Variants in SHC4 observed in about 807,000 individuals in gnomAD.
The protein encoded by SHC4 is SHC adaptor protein 4.
SHC4 carries 41 observed loss-of-function variants against 69.4 expected under a neutral mutation model. That is an observed-to-expected ratio of 0.59 (90% CI 0.46 to 0.77). SHC4 has a LOEUF of 0.77. SHC4 is among the 30% of genes least tolerant of loss of function. SHC4 has a pLI of 0.00. For synonymous variants in SHC4, 318 were observed against 299.3 expected, an observed-to-expected ratio of 1.06 and a Z score of -0.64; for missense variants, 777 against 783.8, an observed-to-expected ratio of 0.99 and a Z score of 0.10.
chr15:48,829,205 T>C (rs1898749820), intron 11 of SHC4, among the ~76,000 whole-genome samples: 1 of 152,208 alleles, frequency 6.6e-6, no homozygotes, highest in African/African-American at 2.4e-5. Flanking sequence ...AGAATATGTA[T>C]TCTGTTGCTG....
chr15:48,946,384 C>T (rs994733702), intron 1 of SHC4, among the ~76,000 whole-genome samples: 3 of 152,156 alleles, frequency 2.0e-5, no homozygotes, highest in African/African-American at 7.2e-5. Flanking sequence ...TGGAGGCCTC[C>T]AGAATCAATA....
At chr15:48,849,220 CTT>C (rs1750944274) in intron 9 of SHC4, among the ~76,000 whole-genome samples, 2 of 152,090 alleles carry the variant, frequency 1.3e-5, no homozygotes, top group Non-Finnish European at 2.9e-5. Context: ...TTTTCTCTCT[CTT>C]CTTTCCCCTG....
At chr15:48,950,855 G>A (rs1901354590) in intron 1 of SHC4, among the ~76,000 whole-genome samples, 1 of 152,126 alleles carries the variant, frequency 6.6e-6, no homozygotes, top group Non-Finnish European at 1.5e-5. Flanking sequence ...GAGGGTAGGA[G>A]TAGGAAGACA....
rs537566897 is a variant in SHC4 at position 48,827,402 on chromosome 15, A to G, written c.1738-1276T>C. Among the ~76,000 whole-genome samples the G allele has an allele frequency of 1.8e-4, 27 of 152,330 alleles. No homozygotes were observed. In the Middle Eastern group the frequency reaches 0.01, roughly 58 times the overall value. On this transcript the variant is annotated intron_variant, in intron 11 of 11. Coordinates refer to ENST00000332408, the MANE Select transcript of SHC4 (RefSeq NM_203349.4). ...TTCAAGGATTTACAGAAGAGGACACAATGGCACCAATTTGCTCTCAAATGG... is the reference window on the plus strand; with the variant it reads ...TTCAAGGATTTACAGAAGAGGACACGATGGCACCAATTTGCTCTCAAATGG...
intron 2 of SHC4, among the ~76,000 whole-genome samples, chr15:48,900,192 C>T (rs1290829555): frequency 6.6e-6 from 1 of 152,090 alleles, no homozygotes; most frequent in Non-Finnish European, 1.5e-5. Flanking sequence ...CTCTGCCTCC[C>T]CCATTCTCAT....
At chr15:48,947,824 G>A (rs1369511046) in intron 1 of SHC4, 5 of 152,146 alleles carry the variant, frequency 3.3e-5, no homozygotes, top group Admixed American at 2.6e-4. Flanking sequence ...AATGTTTGCA[G>A]AATGCTATGG....
At chr15:48,906,063 A>C (rs1299065707) in intron 2 of SHC4, among the ~76,000 whole-genome samples, 5 of 152,200 alleles carry the variant, frequency 3.3e-5, no homozygotes, top group Non-Finnish European at 5.9e-5. Context: ...TTGTCATGGA[A>C]CGAAAACTAT....
intron 1 of SHC4, among the ~76,000 whole-genome samples, chr15:48,927,680 G>T (rs548973117): frequency 1.3e-5 from 2 of 151,920 alleles, no homozygotes; most frequent in Non-Finnish European, 2.9e-5. Context: ...TGCCACATTG[G>T]CCTCCTTTCT....
chr15:48,889,911 T>C (rs1394314941), intron 3 of SHC4, among the ~76,000 whole-genome samples: 1 of 152,230 alleles, frequency 6.6e-6, no homozygotes, highest in African/African-American at 2.4e-5. Flanking sequence ...ATATGATTTA[T>C]ATAGTTATCT....
chr15:48,958,550 G>A (rs2141043184), intron 1 of SHC4, among the ~76,000 whole-genome samples: 1 of 152,264 alleles, frequency 6.6e-6, no homozygotes, highest in Admixed American at 6.5e-5. Flanking sequence ...TTAAGTCTTT[G>A]AGCCAAGTTG....
chr15:48,924,689 A>G (rs533821088), intron 2 of SHC4, among the ~76,000 whole-genome samples, 190 bp downstream of exon 2: 1 of 152,312 alleles, frequency 6.6e-6, no homozygotes, highest in African/African-American at 2.4e-5. Flanking sequence ...GCACTGCCAC[A>G]CAGTTGAGAA....
intron 6 of SHC4, among the ~76,000 whole-genome samples, chr15:48,865,056 C>G (rs1486292960): frequency 6.6e-6 from 1 of 152,200 alleles, no homozygotes; most frequent in East Asian, 1.9e-4. Context: ...CTCCACAAAT[C>G]CCAAGCATCT....
Position 48,877,441 on chromosome 15 carries a change from T to C in SHC4, c.841-5299A>G, listed in dbSNP as rs1431234604. The C allele has an allele frequency of 6.1e-6, 6 of 980,512 alleles. No homozygotes were observed. The East Asian group carries it at 5.7e-4, about 93-fold the overall frequency. The allele number at this position is 980,512 out of a possible 1,614,324, so 60.7% of individuals were successfully genotyped here. ...ATATAAGTATATACAACTTAAAACC[T>C]GAGGCTTTTAAGTTGAAGGTAAAAA... On this transcript the variant is annotated intron_variant, in intron 4 of 11. Transcript: ENST00000332408.
At chr15:48,928,279 T>C (rs1329961503) in intron 1 of SHC4, among the ~76,000 whole-genome samples, 1 of 152,180 alleles carries the variant, frequency 6.6e-6, no homozygotes, top group African/African-American at 2.4e-5. Flanking sequence ...GAGGAGGTTT[T>C]GTAGTGAAGT....
chr15:48,925,703 G>C (rs1595759927), intron 1 of SHC4, among the ~76,000 whole-genome samples: 1 of 152,292 alleles, frequency 6.6e-6, no homozygotes, highest in Middle Eastern at 3.4e-3. Context: ...GCAGCAGTGA[G>C]GATCCATGGC....
intron 11 of SHC4, among the ~76,000 whole-genome samples, chr15:48,826,509 G>A (rs1404871381): frequency 1.3e-5 from 2 of 152,014 alleles, no homozygotes; most frequent in Non-Finnish European, 2.9e-5. Flanking sequence ...TTCCCAAAGG[G>A]CTAGGAGAAA....
Position 48,826,080 on chromosome 15 carries a change from C to A in SHC4, c.1784G>T (p.Arg595Ile), listed in dbSNP as rs1469296256. 4 of 1,613,856 alleles carry A rather than the reference C, an allele frequency of 2.5e-6. No individual in the cohort carries two copies. The highest frequency in any genetic ancestry group is 3.4e-6 in the Non-Finnish European group (4 of 1,179,934). Residue 595 changes from arginine (R) to isoleucine (I), a missense_variant, in exon 12 of 12, where the codon AGA (arginine) becomes ATA (isoleucine). Physicochemically the swap from Arg to Ile is moderately conservative, Grantham distance 97. Coordinates refer to ENST00000332408, the MANE Select transcript of SHC4 (RefSeq NM_203349.4). Reference protein sequence around the residue: ...HVFDNVGHLIRYHMDNSLPII... With the variant: ...HVFDNVGHLIIYHMDNSLPII... Reference sequence around the variant, plus strand: ...TGGCAAACTGTTATCCATATGGTATCTGATAAGGTGGCCGACATTATCAAA... The same window carrying A: ...TGGCAAACTGTTATCCATATGGTATATGATAAGGTGGCCGACATTATCAAA...
intron 2 of SHC4, among the ~76,000 whole-genome samples, chr15:48,919,111 C>T (rs998849842): frequency 6.6e-6 from 1 of 151,852 alleles, no homozygotes; most frequent in African/African-American, 2.4e-5. Context: ...GGATAAGGTC[C>T]CTAGTCTACT....
intron 2 of SHC4, among the ~76,000 whole-genome samples, chr15:48,902,703 T>C (rs1418105663): frequency 2.0e-5 from 3 of 152,026 alleles, no homozygotes; most frequent in Non-Finnish European, 4.4e-5. Flanking sequence ...CAAGGCCTGG[T>C]CCCCGTACCT....
Sources: allele counts gnomAD v4.1 joint callset (sites outside exome capture counted in the v4.1 genomes callset), GRCh38; gene constraint gnomAD v4.1.1; transcripts MANE v1.5; gene names NCBI Gene and HGNC (gene_info 2026-07-23, HGNC 2026-07-21).